MNAT1: variants seen among roughly 807,000 people sequenced by gnomAD.
MNAT1 encodes MNAT1 component of CDK activating kinase, also known as CDK-activating kinase assembly factor MAT1.
A neutral mutation model predicts 42.0 loss-of-function variants in MNAT1; 43 were observed. The observed-to-expected ratio is 1.02, with a 90% CI of 0.80 to 1.32. The LOEUF (loss-of-function observed/expected upper bound fraction) is 1.32, where lower values mean the gene tolerates loss of function less well. Ranked by LOEUF, MNAT1 falls within the 40% of genes most tolerant of loss-of-function variation. The pLI is 0.00. For missense variants in MNAT1, 306 were observed against 350.4 expected, an observed-to-expected ratio of 0.87 and a Z score of 1.01; for synonymous variants, 118 against 120.0, an observed-to-expected ratio of 0.98 and a Z score of 0.11.
At chr14:60,829,097 A>G (rs950144175) in intron 6 of MNAT1, among the ~76,000 whole-genome samples, 2 of 151,930 alleles carry the variant, frequency 1.3e-5, no homozygotes, top group Admixed American at 1.3e-4. Flanking sequence ...CCTGCCCCTC[A>G]CCTCTTTCCA....
chr14:60,888,594 C>A (rs1045804682), intron 7 of MNAT1, among the ~76,000 whole-genome samples: 3 of 151,066 alleles, frequency 2.0e-5, no homozygotes, highest in Non-Finnish European at 2.9e-5. Flanking sequence ...GAAGTTCTGG[C>A]CAGGGCAATC....
At chr14:60,890,814 A>C (rs1594839718) in intron 7 of MNAT1, among the ~76,000 whole-genome samples, 1 of 152,166 alleles carries the variant, frequency 6.6e-6, no homozygotes, top group Admixed American at 6.5e-5. Context: ...GGTGGTGCCC[A>C]CCCAGATTGA....
intron 7 of MNAT1, among the ~76,000 whole-genome samples, chr14:60,941,694 C>T (rs2036162597): frequency 6.6e-6 from 1 of 150,672 alleles, no homozygotes; most frequent in Non-Finnish European, 1.5e-5. Flanking sequence ...AGAGTTAGAC[C>T]CTGTTTCTTA....
At chr14:60,894,800 G>T (rs975376608) in intron 7 of MNAT1, among the ~76,000 whole-genome samples, 2 of 152,052 alleles carry the variant, frequency 1.3e-5, no homozygotes, top group African/African-American at 2.4e-5. Flanking sequence ...TGTCCATAAA[G>T]ACTGTACATA....
intron 6 of MNAT1, among the ~76,000 whole-genome samples, chr14:60,866,307 CTTTTTT>C (rs58874872): frequency 2.1e-5 from 2 of 94,410 alleles, no homozygotes; most frequent in Non-Finnish European, 2.2e-5. Flanking sequence ...TTATTTTGAC[CTTTTTT>C]TTTTTTTTTT....
At chr14:60,948,879 A>T (rs1344006694) in intron 7 of MNAT1, among the ~76,000 whole-genome samples, 1 of 151,210 alleles carries the variant, frequency 6.6e-6, no homozygotes, top group Non-Finnish European at 1.5e-5. Flanking sequence ...GATGATTTCA[A>T]AATTTCCTTC....
At chr14:60,940,422 G>T (rs765963822) in intron 7 of MNAT1, among the ~76,000 whole-genome samples, 34 of 152,000 alleles carry the variant, frequency 2.2e-4, no homozygotes, top group Non-Finnish European at 3.5e-4. Context: ...TTTATTTTTT[G>T]TTGTTGTTGT....
At chr14:60,826,614 C>T (rs568406909) in intron 6 of MNAT1, among the ~76,000 whole-genome samples, 5 of 152,126 alleles carry the variant, frequency 3.3e-5, no homozygotes, top group East Asian at 1.9e-4. Flanking sequence ...CCACCGCACC[C>T]GGACAGAAAC....
intron 1 of MNAT1, among the ~76,000 whole-genome samples, chr14:60,767,684 T>G (rs2030884314): frequency 6.6e-6 from 1 of 152,198 alleles, no homozygotes; most frequent in Non-Finnish European, 1.5e-5. Flanking sequence ...CATCGCAACC[T>G]CTGCCTGCTA....
intron 6 of MNAT1, among the ~76,000 whole-genome samples, chr14:60,875,070 T>A (rs949750398): frequency 1.3e-5 from 2 of 152,136 alleles, no homozygotes; most frequent in Admixed American, 1.3e-4. Flanking sequence ...ATCGTACTTA[T>A]GGCAAACAGA....
At chr14:60,909,685 G>A (rs375005185) in intron 7 of MNAT1, among the ~76,000 whole-genome samples, 2 of 151,994 alleles carry the variant, frequency 1.3e-5, no homozygotes, top group East Asian at 3.9e-4. Context: ...TGGTCTATAT[G>A]TCTGTTTTGG....
intron 1 of MNAT1, among the ~76,000 whole-genome samples, chr14:60,772,085 T>G (rs764838159): frequency 5.3e-5 from 8 of 152,182 alleles, no homozygotes; most frequent in Non-Finnish European, 1.0e-4. Flanking sequence ...GCTCTAAGAT[T>G]ATTTTTGATT....
intron 1 of MNAT1, among the ~76,000 whole-genome samples, chr14:60,754,780 A>C (rs1399428541): frequency 6.6e-6 from 1 of 152,172 alleles, no homozygotes; most frequent in Non-Finnish European, 1.5e-5. Flanking sequence ...TGTAAAGGTA[A>C]ACATTTTAAT....
intron 6 of MNAT1, among the ~76,000 whole-genome samples, chr14:60,868,466 T>C (rs1189132206): frequency 1.3e-5 from 2 of 152,176 alleles, no homozygotes; most frequent in East Asian, 3.8e-4. Flanking sequence ...TTCTGTAGAA[T>C]TTGACAGATT....
chr14:60,912,579 G>T (rs2139530625), intron 7 of MNAT1, among the ~76,000 whole-genome samples: 1 of 152,260 alleles, frequency 6.6e-6, no homozygotes, highest in African/African-American at 2.4e-5. Flanking sequence ...CTTCACTTAT[G>T]AAGCTTAGTT....
chr14:60,770,297 A>T (rs2031004098), intron 1 of MNAT1, among the ~76,000 whole-genome samples: 1 of 152,168 alleles, frequency 6.6e-6, no homozygotes, highest in African/African-American at 2.4e-5. Context: ...ATTTCATTAT[A>T]TATATATAGT....
intron 6 of MNAT1, among the ~76,000 whole-genome samples, chr14:60,859,842 T>C (rs1311084966): frequency 6.6e-6 from 1 of 152,204 alleles, no homozygotes; most frequent in Non-Finnish European, 1.5e-5. Flanking sequence ...GTGGAGTGTT[T>C]TCAATTAAGA....
At chr14:60,894,702 G>T (rs1331134358) in intron 7 of MNAT1, among the ~76,000 whole-genome samples, 1 of 151,804 alleles carries the variant, frequency 6.6e-6, no homozygotes. Flanking sequence ...GTGTCTGTTG[G>T]TGGTGGTGGT....
At chr14:60,772,814 A>G (rs1268975014) in intron 1 of MNAT1, among the ~76,000 whole-genome samples, 2 of 152,028 alleles carry the variant, frequency 1.3e-5, no homozygotes, top group African/African-American at 4.8e-5. Context: ...TGCTAGGTAG[A>G]AATGAAGAGT....
Sources: gnomAD v4.1 joint callset for allele counts (sites outside exome capture counted in the v4.1 genomes callset) on GRCh38, gnomAD v4.1.1 for gene constraint, MANE v1.5 for transcripts, NCBI Gene and HGNC (gene_info 2026-07-23, HGNC 2026-07-21) for gene names.